Variants in SCTR observed in about 807,000 individuals in gnomAD.
The protein encoded by SCTR is secretin receptor, also known as pancreatic secretin receptor.
In SCTR, 56 loss-of-function variants were observed where a neutral mutation model predicts 60.8. The observed-to-expected ratio is 0.92, with a 90% confidence interval of 0.74 to 1.15. The LOEUF is 1.15. Ranked by LOEUF, SCTR falls within the 50% of genes most tolerant of loss-of-function variation. The pLI is 0.00. For synonymous variants in SCTR, 202 were observed against 217.0 expected (o/e 0.93, Z 0.61); for missense variants, 562 against 550.4 (o/e 1.02, Z -0.21).
chr2:119,524,251 G>A lies in SCTR; in HGVS notation c.-25C>T, dbSNP rs1386580425. The A allele has an allele frequency of 7.1e-7, 1 of 1,410,262 alleles. No individual in the cohort carries two copies. The highest frequency in any genetic ancestry group is 9.3e-7 in the Non-Finnish European group (1 of 1,078,752). The allele number at this position is 1,410,262 out of a possible 1,614,324, so 87.4% of individuals were successfully genotyped here. ...TGGTGCCCGCACGTTCCCCGAGGGC[G>A]CCCCGACGTCCGCCTGCCCGTGCCC... On this transcript the variant is annotated 5_prime_UTR_variant, in exon 1 of 13. Coordinates refer to ENST00000019103, the MANE Select transcript of SCTR (RefSeq NM_002980.3).
intron 1 of SCTR, among the ~76,000 whole-genome samples, chr2:119,514,412 T>C (rs1679049149): frequency 6.6e-6 from 1 of 152,144 alleles, no homozygotes; most frequent in Non-Finnish European, 1.5e-5. Flanking sequence ...TATACTATCC[T>C]GTAGAAAGCA....
intron 7 of SCTR, among the ~76,000 whole-genome samples, chr2:119,456,447 C>T (rs374754150): frequency 6.6e-6 from 1 of 152,096 alleles, no homozygotes; most frequent in East Asian, 1.9e-4. Flanking sequence ...AAAAAATGTT[C>T]CTTTCAGGTG....
At chr2:119,513,781 T>G (rs372436938) in intron 1 of SCTR, among the ~76,000 whole-genome samples, 2 of 152,326 alleles carry the variant, frequency 1.3e-5, no homozygotes, top group East Asian at 1.9e-4. Context: ...CATTGCCTAC[T>G]GTCTTCTCTG....
At chr2:119,444,116 T>TAC (rs397814607) in intron 11 of SCTR, among the ~76,000 whole-genome samples, 11 of 148,402 alleles carry the variant, frequency 7.4e-5, no homozygotes, top group African/African-American at 2.5e-4. Context: ...CATTTTCTCA[T>TAC]GTGTGTGTAT....
At chr2:119,512,969 C>G (rs1288548824) in intron 1 of SCTR, among the ~76,000 whole-genome samples, 1 of 152,132 alleles carries the variant, frequency 6.6e-6, no homozygotes, top group Non-Finnish European at 1.5e-5. Flanking sequence ...CATTGGAGGC[C>G]CTCCTCAATG....
At chr2:119,441,664 C>T in intron 11 of SCTR, 65 bp from the exon 12 acceptor site, 8 of 1,349,768 alleles carry the variant, frequency 5.9e-6, no homozygotes, top group Non-Finnish European at 8.4e-6. Context: ...AACCAGCTGG[C>T]CAGCTGCACC....
At chr2:119,453,816 G>A (rs1414943896) in intron 7 of SCTR, among the ~76,000 whole-genome samples, 1 of 152,158 alleles carries the variant, frequency 6.6e-6, no homozygotes, top group Non-Finnish European at 1.5e-5. Flanking sequence ...TTTGTAAAAA[G>A]CTTGGCCATT....
At chr2:119,452,587 A>C (rs939267969) in intron 8 of SCTR, among the ~76,000 whole-genome samples, 1 of 152,140 alleles carries the variant, frequency 6.6e-6, no homozygotes, top group East Asian at 1.9e-4. Flanking sequence ...TTTTCTAGAC[A>C]AGCTGAAAAT....
At chr2:119,447,322 T>C (rs1460816296) in intron 10 of SCTR, among the ~76,000 whole-genome samples, 2 of 152,122 alleles carry the variant, frequency 1.3e-5, no homozygotes, top group African/African-American at 4.8e-5. Flanking sequence ...CAAATAAAAA[T>C]ACAGAATCCC....
intron 4 of SCTR, among the ~76,000 whole-genome samples, chr2:119,471,314 A>G (rs1307408261): frequency 6.6e-6 from 1 of 151,866 alleles, no homozygotes; most frequent in Non-Finnish European, 1.5e-5. Flanking sequence ...CCCTCTCTTC[A>G]TATAAGTCGA....
chr2:119,441,526 C>A, intron 12 of SCTR, 32 bp downstream of exon 12: 1 of 1,590,090 alleles, frequency 6.3e-7, no homozygotes, highest in South Asian at 1.1e-5. Flanking sequence ...TAGGAGCTCT[C>A]CTGGGTACCT....
chr2:119,441,477 C>T, intron 12 of SCTR, 81 bp downstream of exon 12: 1 of 1,124,044 alleles, frequency 8.9e-7, no homozygotes, highest in Non-Finnish European at 1.3e-6. Flanking sequence ...TTCCTACCAC[C>T]CCTCCCAGGT....
intron 9 of SCTR, 95 bp downstream of exon 9, chr2:119,451,915 A>T: frequency 1.3e-6 from 1 of 770,390 alleles, no homozygotes. Flanking sequence ...TGGCACCTGC[A>T]GGGAGCCCTG....
chr2:119,442,123 C>T (rs1056839674), intron 11 of SCTR, among the ~76,000 whole-genome samples: 1 of 152,336 alleles, frequency 6.6e-6, no homozygotes, highest in East Asian at 1.9e-4. Context: ...GTTGGAGCTC[C>T]CTGCTTAATG....
intron 1 of SCTR, 87 bp downstream of exon 1, chr2:119,524,068 C>G: frequency 9.7e-7 from 1 of 1,028,920 alleles, no homozygotes; most frequent in Non-Finnish European, 1.5e-6. Flanking sequence ...GCTAGTCCCT[C>G]TCCACCTGCA....
intron 7 of SCTR, among the ~76,000 whole-genome samples, chr2:119,455,462 C>T (rs1683337555): frequency 6.6e-6 from 1 of 152,132 alleles, no homozygotes; most frequent in Admixed American, 6.5e-5. Flanking sequence ...GGAAACAGAC[C>T]ATACAGGAAG....
At chr2:119,506,513 G>A (rs1450695951) in intron 1 of SCTR, among the ~76,000 whole-genome samples, 9 of 150,476 alleles carry the variant, frequency 6.0e-5, no homozygotes, top group South Asian at 2.1e-4. Context: ...ACAGGGTCTC[G>A]CTCAGTCACC....
chr2:119,497,871 T>C (rs1678408627), intron 1 of SCTR, among the ~76,000 whole-genome samples: 1 of 152,026 alleles, frequency 6.6e-6, no homozygotes, highest in African/African-American at 2.4e-5. Context: ...TAAGAAACCT[T>C]GAGGAACCTG....
intron 3 of SCTR, among the ~76,000 whole-genome samples, chr2:119,473,908 T>G (rs1677144668): frequency 6.6e-6 from 1 of 152,126 alleles, no homozygotes; most frequent in African/African-American, 2.4e-5. Context: ...CCATCATGAC[T>G]TTTTCTCAGG....
Sources: allele counts gnomAD v4.1 joint callset (sites outside exome capture counted in the v4.1 genomes callset), GRCh38; gene constraint gnomAD v4.1.1; transcripts MANE v1.5; gene names NCBI Gene and HGNC (gene_info 2026-07-23, HGNC 2026-07-21).